RTN4R: variants seen among roughly 807,000 people sequenced by gnomAD.
The protein encoded by RTN4R is reticulon-4 receptor.
Under a neutral mutation model 27.7 loss-of-function variants are expected in RTN4R, and 4 were observed. The ratio of observed to expected loss-of-function variants is 0.14; its 90% CI spans 0.07 to 0.33. RTN4R has a LOEUF of 0.33. Among genes scored for constraint, RTN4R ranks in the 10% least tolerant of loss-of-function variants. The pLI, the probability that RTN4R is intolerant of heterozygous loss-of-function variation, is 1.00. For missense variants in RTN4R, 554 were observed against 671.5 expected (o/e 0.83, Z 1.93); for synonymous variants, 290 against 305.6 (o/e 0.95, Z 0.53).
At chr22:20,251,663 TC>T (rs2051178293) in intron 1 of RTN4R, among the ~76,000 whole-genome samples, 1 of 55,396 alleles carries the variant, frequency 1.8e-5, no homozygotes, top group East Asian at 1.0e-3. Flanking sequence ...ACCATCACCA[TC>T]CTCAACACCA....
At chr22:20,243,993 C>T (rs541304719) in intron 1 of RTN4R, among the ~76,000 whole-genome samples, 3 of 152,312 alleles carry the variant, frequency 2.0e-5, no homozygotes, top group Non-Finnish European at 2.9e-5. Flanking sequence ...GCTGGTCTCA[C>T]CAGCGGGGTC....
intron 1 of RTN4R, among the ~76,000 whole-genome samples, chr22:20,261,393 AG>A (rs2051245741): frequency 6.6e-6 from 1 of 152,202 alleles, no homozygotes; most frequent in South Asian, 2.1e-4. Context: ...GCCTGGAAGA[AG>A]GGGTCCCTGG....
intron 1 of RTN4R, among the ~76,000 whole-genome samples, chr22:20,250,855 G>A (rs1008473492): frequency 1.3e-5 from 2 of 150,320 alleles, no homozygotes; most frequent in Non-Finnish European, 3.0e-5. Context: ...ACACATGCAT[G>A]CACACACACA....
intron 1 of RTN4R, among the ~76,000 whole-genome samples, chr22:20,263,854 G>A (rs558012803): frequency 4.6e-4 from 70 of 152,372 alleles, no homozygotes; most frequent in Non-Finnish European, 4.4e-4. Flanking sequence ...CCCATGCCCC[G>A]CTGCCCTGCT....
intron 1 of RTN4R, among the ~76,000 whole-genome samples, chr22:20,247,010 C>T (rs1203663681): frequency 1.3e-5 from 2 of 152,230 alleles, no homozygotes; most frequent in African/African-American, 4.8e-5. Flanking sequence ...CCCGGAGGGG[C>T]CACGAGGCAT....
At chr22:20,257,086 T>G (rs2051216304) in intron 1 of RTN4R, among the ~76,000 whole-genome samples, 1 of 152,226 alleles carries the variant, frequency 6.6e-6, no homozygotes, top group Non-Finnish European at 1.5e-5. Context: ...ATGCACTAAA[T>G]GCTCACCACT....
Position 20,242,448 on chromosome 22 carries a change from T to C in RTN4R, c.685A>G (p.Met229Val). ...PHAFRDLGRLMTLYLFANNLS... is the reference protein window; with the variant it reads ...PHAFRDLGRLVTLYLFANNLS... ...TTGTTGGCAAACAGATAGAGTGTCA[T>C]GAGGCGGCCAAGGTCACGGAAGGCA... The change falls in exon 2 of 2, where the codon ATG (methionine) becomes GTG (valine). Residue 229 changes from methionine to valine, a missense_variant. Met to Val is a conservative substitution (Grantham distance 21). This residue lies in a region of RTN4R where 413 missense variants were observed against 542.3 expected (regional missense o/e 0.76). Transcript: ENST00000043402. 2 of 1,613,502 alleles carry C rather than the reference T, an allele frequency of 1.2e-6. No homozygotes were observed. The highest frequency in any genetic ancestry group is 1.1e-5 in the South Asian group (1 of 91,086).
rs567847587 is a variant in RTN4R at position 20,260,213 on chromosome 22, G to A, written c.22+7858C>T. Among the ~76,000 whole-genome samples, 44 of 152,198 alleles carry A rather than the reference G, an allele frequency of 2.9e-4. 1 individual carries two copies. Among genetic ancestry groups the A allele is most frequent in the Admixed American group, 4.6e-4 (7 of 15,302 alleles). ...TAGGGGGCTCATCTGTAGCCCCCAC[G>A]GGAGCCCCAAGAAGCCAATCCCTGC... On this transcript the variant is annotated intron_variant, in intron 1 of 1. Transcript: ENST00000043402.
In RTN4R at chr22:20,241,913, C is replaced by T. The variant is rs750107112; in HGVS notation, c.1220G>A (p.Gly407Glu). The change falls in exon 2 of 2, where the codon GGG becomes GAG. Residue 407 changes from glycine (G) to glutamate (E), a missense_variant. Around this residue, in one of 2 missense-constraint regions of RTN4R, gnomAD observed 141 missense variants for 129.2 expected, o/e 1.09. Coordinates refer to ENST00000043402, the MANE Select transcript of RTN4R (RefSeq NM_023004.6). ...CCGGCGAGGGCCCGAGGTGGGGAAC[C>T]CTGGTGGCTCGGAGCCCTCGGGCCG... ...AVRPEGSEPP[G>E]FPTSGPRRRP... The T allele has an allele frequency of 1.2e-6, 2 of 1,605,640 alleles. No individual in the cohort carries two copies. The highest frequency in any genetic ancestry group is 1.7e-6 in the Non-Finnish European group (2 of 1,176,848).
intron 1 of RTN4R, among the ~76,000 whole-genome samples, chr22:20,251,876 T>TCACCATCAC (rs1200489383): frequency 4.8e-5 from 1 of 20,754 alleles, no homozygotes; most frequent in East Asian, 1.4e-3. Context: ...ATCACCATCA[T>TCACCATCAC]CACTATCACT....
intron 1 of RTN4R, among the ~76,000 whole-genome samples, chr22:20,258,032 C>T (rs1362560060): frequency 6.6e-6 from 1 of 152,190 alleles, no homozygotes; most frequent in Non-Finnish European, 1.5e-5. Context: ...AAGAATGGGG[C>T]AGCCTGCACC....
chr22:20,244,934 C>T (rs1015962546), intron 1 of RTN4R, among the ~76,000 whole-genome samples: 5 of 152,094 alleles, frequency 3.3e-5, no homozygotes, highest in South Asian at 2.1e-4. Context: ...ATGGTGGCCA[C>T]GCCCGCCACA....
chr22:20,268,308 C>CGGAGCGCTCACCTG lies in RTN4R; in HGVS notation c.-217_-216insCAGGTGAGCGCTCC, dbSNP rs2051293090. ...AGGGCGCACAGGGCGAGGGCGGCGG[C>CGGAGCGCTCACCTG]GGCGCGGGGGTTGGGGCGTGGGCGG... On this transcript the variant is annotated 5_prime_UTR_variant, in exon 1 of 2. Transcript: ENST00000043402. 3 of 906 alleles carry CGGAGCGCTCACCTG rather than the reference C, an allele frequency of 3.3e-3. No homozygotes were observed. The highest frequency in any genetic ancestry group is 0.013 in the Admixed American group (1 of 78). The allele number at this position is 906 out of a possible 1,614,324, so 0.1% of individuals were successfully genotyped here.
chr22:20,241,920 G>T lies in RTN4R; in HGVS notation c.1213C>A (p.Pro405Thr). ...LTAVRPEGSE[P>T]PGFPTSGPRR... is the part of the protein sequence containing the mutation. ...GGGCCCGAGGTGGGGAACCCTGGTG[G>T]CTCGGAGCCCTCGGGCCGCACTGCA... The change falls in exon 2 of 2, where the codon CCA (proline) becomes ACA (threonine). Residue 405 changes from proline to threonine, a missense_variant. Pro to Thr is a conservative substitution (Grantham distance 38, BLOSUM62 -1). This residue lies in a region of RTN4R where 141 missense variants were observed against 129.2 expected (regional missense o/e 1.09). Coordinates refer to ENST00000043402, the MANE Select transcript of RTN4R (RefSeq NM_023004.6). The T allele has an allele frequency of 6.2e-7, 1 of 1,605,836 alleles. No individual in the cohort carries two copies. The highest frequency in any genetic ancestry group is 1.1e-5 in the South Asian group (1 of 90,976).
chr22:20,262,902 T>C (rs750299770), intron 1 of RTN4R, among the ~76,000 whole-genome samples: 78 of 152,198 alleles, frequency 5.1e-4, no homozygotes, highest in Non-Finnish European at 9.4e-4. Context: ...CTCAACAAGG[T>C]TGTGATAGCC....
At chr22:20,256,281 C>T (rs1158414392) in intron 1 of RTN4R, among the ~76,000 whole-genome samples, 2 of 152,174 alleles carry the variant, frequency 1.3e-5, no homozygotes, top group African/African-American at 2.4e-5. Flanking sequence ...CCACACTGGG[C>T]GTCACCACAG....
rs1033820690 is a variant in RTN4R, at chr22:20,241,709, G to A, written c.*2C>T. 1.3e-6 allele frequency: 2 copies of A among 1,549,540 alleles called. No individual in the cohort carries two copies. Among genetic ancestry groups the A allele is most frequent in the Non-Finnish European group, 1.7e-6 (2 of 1,146,776 alleles). ...TGAGCACGCTCTTGTGTCCGCTGGG[G>A]GTCAGCAGGGCCCAAGCACTGTCCA... On this transcript the variant is annotated 3_prime_UTR_variant, in exon 2 of 2. Transcript: ENST00000043402.
chr22:20,245,950 G>A (rs1042125421), intron 1 of RTN4R, among the ~76,000 whole-genome samples: 2 of 152,186 alleles, frequency 1.3e-5, no homozygotes, highest in Non-Finnish European at 2.9e-5. Context: ...TTGGCCCTGC[G>A]GCCACCTGAG....
rs574405599 is a variant in RTN4R, at chr22:20,261,494, A to G, written c.22+6577T>C. Among the ~76,000 whole-genome samples the G allele has an allele frequency of 1.2e-3, 184 of 152,336 alleles. 1 individual carries two copies. The highest frequency in any genetic ancestry group is 4.3e-3 in the African/African-American group (180 of 41,584). ...GGCAGTGCTCACTCACCACCGCTCC[A>G]GCTTCACGATAGCCACGTGCGGACA... On this transcript the variant is annotated intron_variant, in intron 1 of 1. Transcript: ENST00000043402.
Sources: allele counts gnomAD v4.1 joint callset (sites outside exome capture counted in the v4.1 genomes callset), GRCh38; gene constraint gnomAD v4.1.1; regional missense constraint gnomAD v4.1.1; transcripts MANE v1.5; gene names NCBI Gene and HGNC (gene_info 2026-07-23, HGNC 2026-07-21).